UTRN: variants seen among roughly 807,000 people sequenced by gnomAD.
UTRN encodes utrophin, also known as dystrophin-related protein 1.
UTRN carries 283 observed loss-of-function variants against 463.9 expected under a neutral mutation model. The ratio of observed to expected loss-of-function variants is 0.61; its 90% confidence interval spans 0.55 to 0.67. The LOEUF is 0.67. Among genes scored for constraint, UTRN ranks in the 30% least tolerant of loss-of-function variants. UTRN has a pLI of 0.00. For missense variants in UTRN, 3,922 were observed against 4,084.3 expected, an observed-to-expected ratio of 0.96 and a Z score of 1.08; for synonymous variants, 1,442 against 1,431.5, an observed-to-expected ratio of 1.01 and a Z score of -0.17.
At position 144,708,487 on chromosome 6, in the gene UTRN, T is replaced by C. The variant is rs191319832; in HGVS notation, c.7809+8244T>C. 1.2e-4 allele frequency: 63 copies of C among 505,630 alleles called. 1 individual carries two copies. In the East Asian group the frequency reaches 1.6e-3, roughly 13 times the overall value. 31.3% of individuals were successfully genotyped at this position (505,630 alleles called of 1,614,324 possible). A position where few individuals can be genotyped will look rare whatever the true frequency, so the allele number is the denominator to read the frequency against. ...CCTCACGCCTTCATCCCCTCTGAGT[T>C]CTTCTAGGATCTAAGACACCAGAGA... On this transcript the variant is annotated intron_variant, in intron 53 of 74. Coordinates refer to ENST00000367545, the MANE Select transcript of UTRN (RefSeq NM_007124.3).
chr6:144,616,875 C>A (rs1049855139), intron 51 of UTRN, among the ~76,000 whole-genome samples: 1 of 152,142 alleles, frequency 6.6e-6, no homozygotes, highest in African/African-American at 2.4e-5. Context: ...GCAGCCAGCC[C>A]GCCATAGCGT....
At chr6:144,493,035 A>G (rs1793215838) in intron 32 of UTRN, among the ~76,000 whole-genome samples, 1 of 152,210 alleles carries the variant, frequency 6.6e-6, no homozygotes, top group Non-Finnish European at 1.5e-5. Flanking sequence ...TTATATTATC[A>G]AGTACTTTCA....
At chr6:144,344,690 A>C (rs1777422061) in intron 2 of UTRN, among the ~76,000 whole-genome samples, 1 of 152,158 alleles carries the variant, frequency 6.6e-6, no homozygotes, top group Admixed American at 6.6e-5. Context: ...GTATTGGTAG[A>C]CCTCATCCCA....
At chr6:144,560,761 A>G (rs895243869) in intron 50 of UTRN, among the ~76,000 whole-genome samples, 2 of 152,130 alleles carry the variant, frequency 1.3e-5, no homozygotes, top group African/African-American at 2.4e-5. Context: ...TTGAATTACC[A>G]TGCAGCTCTT....
chr6:144,808,743 G>T (rs550855426), intron 65 of UTRN, among the ~76,000 whole-genome samples: 113 of 151,500 alleles, frequency 7.5e-4, no homozygotes, highest in Non-Finnish European at 8.6e-4. Context: ...TTTTTTAAAG[G>T]TCCCACATAT....
chr6:144,701,681 A>G (rs1039358327), intron 53 of UTRN, among the ~76,000 whole-genome samples: 6 of 152,212 alleles, frequency 3.9e-5, no homozygotes, highest in African/African-American at 1.2e-4. Context: ...TTAAGGTGAC[A>G]CTATGATTCT....
intron 72 of UTRN, among the ~76,000 whole-genome samples, chr6:144,839,748 C>T (rs543162459): frequency 2.0e-5 from 3 of 152,318 alleles, no homozygotes; most frequent in African/African-American, 7.2e-5. Flanking sequence ...CCATCAGAGG[C>T]AGCGGTCCCA....
chr6:144,513,464 C>A (rs1434188370), intron 35 of UTRN, among the ~76,000 whole-genome samples: 1 of 152,058 alleles, frequency 6.6e-6, no homozygotes, highest in Non-Finnish European at 1.5e-5. Flanking sequence ...GCAGGAGAAT[C>A]ACTTGAACCT....
In UTRN at chr6:144,448,780, A is replaced by G; in HGVS notation, c.2072+11A>G. ...TGAAGCTAAGAAAAAGTGAGAAGAG[A>G]TAGAGAAATTGTTCAAATCCAATAT... On this transcript the variant is annotated intron_variant, in intron 17 of 74. Transcript: ENST00000367545. 1 of 1,611,974 alleles carries G rather than the reference A, an allele frequency of 6.2e-7. No homozygotes were observed. The highest frequency in any genetic ancestry group is 8.5e-7 in the Non-Finnish European group (1 of 1,179,034).
At chr6:144,497,034 GT>G (rs1252855710) in intron 33 of UTRN, among the ~76,000 whole-genome samples, 1 of 152,180 alleles carries the variant, frequency 6.6e-6, no homozygotes, top group Non-Finnish European at 1.5e-5. Context: ...TAGAGTTTGT[GT>G]TACAGATTAA....
chr6:144,408,941 C>T (rs1225369151), intron 3 of UTRN, among the ~76,000 whole-genome samples: 7 of 152,168 alleles, frequency 4.6e-5, no homozygotes, highest in Admixed American at 4.6e-4. Flanking sequence ...ATAGTAGAGG[C>T]TTGAGCTTGA....
At chr6:144,456,659 T>TAATAA (rs1169909072) in intron 19 of UTRN, among the ~76,000 whole-genome samples, 2 of 81,834 alleles carry the variant, frequency 2.4e-5, no homozygotes, top group African/African-American at 1.3e-4. Flanking sequence ...CTCAAAATAA[T>TAATAA]AATAATAATA....
intron 2 of UTRN, among the ~76,000 whole-genome samples, chr6:144,302,884 T>C (rs1341256901): frequency 6.6e-6 from 1 of 152,146 alleles, no homozygotes; most frequent in Non-Finnish European, 1.5e-5. Flanking sequence ...AGCAAGGCAT[T>C]TGAAGTCTGT....
At chr6:144,768,953 G>GTTTTT (rs1224806677) in intron 58 of UTRN, among the ~76,000 whole-genome samples, 2 of 105,088 alleles carry the variant, frequency 1.9e-5, no homozygotes, top group African/African-American at 4.3e-5. Context: ...TTTTTGTTTT[G>GTTTTT]TTTTGTTTTT....
chr6:144,653,033 A>G (rs1490244660), intron 51 of UTRN, among the ~76,000 whole-genome samples: 3 of 148,700 alleles, frequency 2.0e-5, no homozygotes, highest in Non-Finnish European at 4.5e-5. Context: ...TTGTATGAAA[A>G]TAGAAACACA....
At position 144,516,250 on chromosome 6, in the gene UTRN, T is replaced by C. The variant is rs375414085; in HGVS notation, c.5266T>C (p.Leu1756=). The C allele has an allele frequency of 1.3e-5, 21 of 1,613,460 alleles. No homozygotes were observed. Among genetic ancestry groups the C allele is most frequent in the Non-Finnish European group, 1.8e-5 (21 of 1,179,894 alleles). ...SAKLLIAQEP[L]YQCLVTTETF... ...ACAGTTGCTAATTGCTCAGGAACCA[T>C]TATACCAATGTTTGGTCACCACTGA... The change falls in exon 38 of 75, where the codon TTA becomes CTA. Residue 1756 remains leucine (L), a synonymous_variant. Coordinates refer to ENST00000367545, the MANE Select transcript of UTRN (RefSeq NM_007124.3).
intron 51 of UTRN, among the ~76,000 whole-genome samples, chr6:144,611,736 T>C (rs1205079985): frequency 6.6e-6 from 1 of 152,172 alleles, no homozygotes; most frequent in Non-Finnish European, 1.5e-5. Context: ...ATATTCTGTG[T>C]TAATGGATTA....
At chr6:144,695,014 C>A (rs1043038992) in intron 52 of UTRN, among the ~76,000 whole-genome samples, 1 of 148,930 alleles carries the variant, frequency 6.7e-6, no homozygotes, top group African/African-American at 2.5e-5. Context: ...GATTGATACT[C>A]TTTATGCTAC....
chr6:144,647,730 C>T (rs184470637), intron 51 of UTRN, among the ~76,000 whole-genome samples: 41 of 152,348 alleles, frequency 2.7e-4, no homozygotes, highest in African/African-American at 4.3e-4. Context: ...GCTCCCCCTT[C>T]GTGGCCTTCC....
Sources: gnomAD v4.1 joint callset for allele counts (sites outside exome capture counted in the v4.1 genomes callset) on GRCh38, gnomAD v4.1.1 for gene constraint, MANE v1.5 for transcripts, NCBI Gene and HGNC (gene_info 2026-07-23, HGNC 2026-07-21) for gene names.